Variants in VWA5A observed in about 807,000 individuals in gnomAD.
VWA5A encodes the protein von Willebrand factor A domain containing 5A, also known as von Willebrand factor A domain-containing protein 5A.
In VWA5A, 77 loss-of-function variants were observed where a neutral mutation model predicts 84.6. The observed-to-expected ratio is 0.91, with a 90% CI of 0.76 to 1.10. VWA5A has a LOEUF of 1.10. Ranked by LOEUF, VWA5A falls within the 50% of genes least tolerant of loss-of-function variation. The pLI is 0.00. For missense variants in VWA5A, 973 were observed against 963.0 expected, an observed-to-expected ratio of 1.01 and a Z score of -0.14; for synonymous variants, 334 against 350.1, an observed-to-expected ratio of 0.95 and a Z score of 0.51.
At chr11:124,117,366 G>T (rs1188851823) in intron 2 of VWA5A, 131 bp from the exon 3 acceptor site, 3 of 878,030 alleles carry the variant, frequency 3.4e-6, no homozygotes, top group Non-Finnish European at 5.4e-6. Context: ...TTTTTTTAAA[G>T]GTTCCAACTT....
chr11:124,135,176 T>C, intron 12 of VWA5A, 142 bp downstream of exon 12: 1 of 559,136 alleles, frequency 1.8e-6, no homozygotes, highest in Non-Finnish European at 3.0e-6. Flanking sequence ...TTAGGCTGTA[T>C]ACTTAGTCAG....
At chr11:124,130,266 G>C (rs1178381947) in intron 11 of VWA5A, among the ~76,000 whole-genome samples, 1 of 152,158 alleles carries the variant, frequency 6.6e-6, no homozygotes, top group Non-Finnish European at 1.5e-5. Flanking sequence ...CAGTTGTTCA[G>C]TTTCCATGTA....
chr11:124,123,677 C>G lies in VWA5A; in HGVS notation c.1037C>G (p.Thr346Ser). The G allele has an allele frequency of 6.2e-7, 1 of 1,614,024 alleles. No individual in the cohort carries two copies. The highest frequency in any genetic ancestry group is 8.5e-7 in the Non-Finnish European group (1 of 1,180,006). Residue 346 changes from threonine (T) to serine (S), a missense_variant, in exon 10 of 19, where the codon ACT (threonine) becomes AGT (serine). Coordinates refer to ENST00000456829, the MANE Select transcript of VWA5A (RefSeq NM_001130142.2). Reference protein sequence around the residue: ...EACFPESVKYTQQTMEEALGR... With the variant: ...EACFPESVKYSQQTMEEALGR... ...TTTCTCAGGGAGAGTGTGAAGTACA[C>G]TCAGCAAACAATGGAGGAGGCTCTG...
intron 7 of VWA5A, among the ~76,000 whole-genome samples, chr11:124,121,789 G>A (rs1353366169): frequency 6.6e-6 from 1 of 152,128 alleles, no homozygotes; most frequent in East Asian, 1.9e-4. Context: ...AATTCATCTG[G>A]CATTGTTGTA....
In VWA5A at chr11:124,134,926, C is replaced by CT. The variant is rs1372275769; in HGVS notation, c.1252dup (p.Ser418PhefsTer65). On this transcript the variant is annotated frameshift_variant, in exon 12 of 19. Coordinates refer to ENST00000456829, the MANE Select transcript of VWA5A (RefSeq NM_001130142.2). LOFTEE classifies it high-confidence loss of function. ...TGTCCTGTTACAATTGCAGGTGTTT[C>CT]TCATTTGGTATTGGAGAAGGCACCT... The CT allele has an allele frequency of 4.3e-6, 7 of 1,612,346 alleles. No homozygotes were observed. The highest frequency in any genetic ancestry group is 5.9e-6 in the Non-Finnish European group (7 of 1,179,138).
chr11:124,123,479 G>T (rs1189971723), intron 9 of VWA5A, 25 bp downstream of exon 9: 5 of 1,611,312 alleles, frequency 3.1e-6, no homozygotes, highest in Non-Finnish European at 4.2e-6. Context: ...AGACAATAGG[G>T]AGTACAAAAC....
intron 15 of VWA5A, among the ~76,000 whole-genome samples, chr11:124,138,436 C>A (rs1860657696): frequency 6.6e-6 from 1 of 152,160 alleles, no homozygotes; most frequent in African/African-American, 2.4e-5. Flanking sequence ...TTCCCCATAT[C>A]CTCACCAGTA....
In VWA5A at chr11:124,134,904, C is replaced by G; in HGVS notation, c.1245-16C>G. 1 of 1,598,696 alleles carries G rather than the reference C, an allele frequency of 6.3e-7. No individual in the cohort carries two copies. Among genetic ancestry groups the G allele is most frequent in the Non-Finnish European group, 8.6e-7 (1 of 1,167,468 alleles). ...TTTAATGCCTTCCTCTAACCTCTGT[C>G]CTGTTACAATTGCAGGTGTTTCTCA... On this transcript the variant is annotated splice_polypyrimidine_tract_variant and intron_variant, in intron 11 of 18. Coordinates refer to ENST00000456829, the MANE Select transcript of VWA5A (RefSeq NM_001130142.2).
At position 124,147,708 on chromosome 11, in the gene VWA5A, T is replaced by G. The variant is rs1053017752; in HGVS notation, c.*1763T>G. 1 of 152,212 alleles carries G rather than the reference T, an allele frequency of 6.6e-6. No individual in the cohort carries two copies. Among genetic ancestry groups the G allele is most frequent in the Admixed American group, 6.5e-5 (1 of 15,280 alleles). The allele number at this position is 152,212 out of a possible 1,614,324, so 9.4% of individuals were successfully genotyped here. ...AATATTTTCATGAAATAGGCTTATA[T>G]CCAAGCCTGCCATCTAGATAGGCCC... On this transcript the variant is annotated 3_prime_UTR_variant, in exon 19 of 19. Coordinates refer to ENST00000456829, the MANE Select transcript of VWA5A (RefSeq NM_001130142.2).
chr11:124,121,307 T>C (rs1357860326), intron 7 of VWA5A, among the ~76,000 whole-genome samples: 1 of 152,160 alleles, frequency 6.6e-6, no homozygotes, highest in African/African-American at 2.4e-5. Context: ...TTGGTTATTA[T>C]GGGTTTAATC....
In VWA5A at chr11:124,136,809, T is replaced by C. The variant is rs552916602; in HGVS notation, c.1625+135T>C. On this transcript the variant is annotated intron_variant, in intron 14 of 18. Transcript: ENST00000456829. ...CCTTCCTTCTTTCCTCTGCCATCTTTGGGGATTAGATTTCTTCTCTTAATT... is the reference window on the plus strand; with the variant it reads ...CCTTCCTTCTTTCCTCTGCCATCTTCGGGGATTAGATTTCTTCTCTTAATT... 8 of 889,072 alleles carry C rather than the reference T, an allele frequency of 9.0e-6. No individual in the cohort carries two copies. The African/African-American group carries it at 1.4e-4, about 16-fold the overall frequency. The allele number at this position is 889,072 out of a possible 1,614,324, so 55.1% of individuals were successfully genotyped here.
intron 15 of VWA5A, among the ~76,000 whole-genome samples, 162 bp downstream of exon 15, chr11:124,137,430 G>A (rs1293527498): frequency 1.3e-5 from 2 of 152,074 alleles, no homozygotes; most frequent in Non-Finnish European, 2.9e-5. Context: ...TTCTGTCCCA[G>A]GGAACTAGAA....
chr11:124,123,901 T>C (rs374786292), intron 10 of VWA5A, 97 bp downstream of exon 10: 1 of 1,440,898 alleles, frequency 6.9e-7, no homozygotes. Context: ...AAATATAGTT[T>C]GCAATTCACA....
chr11:124,142,395 C>G (rs756379456), intron 16 of VWA5A, 47 bp from the exon 17 acceptor site: 1 of 1,605,658 alleles, frequency 6.2e-7, no homozygotes, highest in Non-Finnish European at 8.5e-7. Flanking sequence ...GCTGAGGTGC[C>G]GATAGCTCCA....
intron 11 of VWA5A, among the ~76,000 whole-genome samples, chr11:124,131,488 T>A (rs1865096740): frequency 6.6e-6 from 1 of 152,128 alleles, no homozygotes; most frequent in Non-Finnish European, 1.5e-5. Flanking sequence ...ACACAAAATC[T>A]CTCTGTAATA....
intron 12 of VWA5A, among the ~76,000 whole-genome samples, chr11:124,135,529 T>C (rs996725107): frequency 1.5e-5 from 2 of 136,088 alleles, no homozygotes; most frequent in Non-Finnish European, 3.1e-5. Context: ...TTTCTTTTTT[T>C]TTTTTTTTTT....
At chr11:124,117,336 G>T in intron 2 of VWA5A, 161 bp from the exon 3 acceptor site, 3 of 693,352 alleles carry the variant, frequency 4.3e-6, no homozygotes, top group Non-Finnish European at 5.0e-6. Context: ...GGACCCTTAT[G>T]ACTGAAATCT....
At chr11:124,117,643 T>A in intron 3 of VWA5A, 30 bp from the exon 4 acceptor site, 3 of 1,614,202 alleles carry the variant, frequency 1.9e-6, no homozygotes, top group Non-Finnish European at 2.5e-6. Context: ...TATTGAAGCT[T>A]GATGAACTTG....
At position 124,118,981 on chromosome 11, in the gene VWA5A, C is replaced by A; in HGVS notation, c.652C>A (p.Leu218Met). 6.2e-7 allele frequency: 1 copy of A among 1,614,094 alleles called. No individual in the cohort carries two copies. Among genetic ancestry groups the A allele is most frequent in the Non-Finnish European group, 8.5e-7 (1 of 1,180,002 alleles). The stretch of plus-strand genomic sequence containing the variant: ...TTACCTGTCCTCCACTCAGGTTTCC[C>A]TGGCTGCTGGACACAAGTTTGATCG... The part of the protein sequence containing the change: ...GEDKTSAQVS[L>M]AAGHKFDRDV... Residue 218 changes from leucine (L) to methionine (M), a missense_variant, in exon 7 of 19, where the codon CTG (leucine) becomes ATG (methionine). Leu to Met is a conservative substitution (Grantham distance 15, BLOSUM62 2). Coordinates refer to ENST00000456829, the MANE Select transcript of VWA5A (RefSeq NM_001130142.2).
Sources: gnomAD v4.1 joint callset for allele counts (sites outside exome capture counted in the v4.1 genomes callset) on GRCh38, gnomAD v4.1.1 for gene constraint, MANE v1.5 for transcripts, NCBI Gene and HGNC (gene_info 2026-07-23, HGNC 2026-07-21) for gene names.